NTF3: variants seen among roughly 807,000 people sequenced by gnomAD.
The protein encoded by NTF3 is neurotrophin-3.
A neutral mutation model predicts 26.3 loss-of-function variants in NTF3; 8 were observed. That is an observed-to-expected ratio of 0.30 (90% confidence interval 0.18 to 0.55). NTF3 has a LOEUF of 0.55. NTF3 is among the 20% of genes least tolerant of loss of function. The pLI, the probability that NTF3 is intolerant of heterozygous loss-of-function variation, is 0.93. For synonymous variants in NTF3, 154 were observed against 145.5 expected (o/e 1.06, Z -0.42); for missense variants, 276 against 352.9 (o/e 0.78, Z 1.75).
upstream of NTF3, chr12:5,431,967 G>C (rs919726592): frequency 7.3e-5 from 11 of 150,516 alleles, no homozygotes; most frequent in Admixed American, 2.0e-4. Flanking sequence ...AGGGCGGGGG[G>C]GGGGCTCTGG....
At chr12:5,464,666 C>T (rs1173657063) in intron 1 of NTF3, among the ~76,000 whole-genome samples, 2 of 152,192 alleles carry the variant, frequency 1.3e-5, no homozygotes, top group Non-Finnish European at 2.9e-5. Context: ...CAGGGCCAAG[C>T]TTCAGAACCT....
At chr12:5,476,686 C>G (rs1940729083) in intron 1 of NTF3, among the ~76,000 whole-genome samples, 1 of 152,128 alleles carries the variant, frequency 6.6e-6, no homozygotes, top group Non-Finnish European at 1.5e-5. Flanking sequence ...TTTATGGGAG[C>G]AGAGGATTCA....
At chr12:5,488,272 A>G (rs1940892419) in intron 1 of NTF3, among the ~76,000 whole-genome samples, 1 of 152,162 alleles carries the variant, frequency 6.6e-6, no homozygotes, top group Non-Finnish European at 1.5e-5. Context: ...TGCTATTTCC[A>G]GGTTGCCAAC....
intron 1 of NTF3, among the ~76,000 whole-genome samples, chr12:5,479,716 C>CCT (rs1283664468): frequency 1.3e-5 from 2 of 152,224 alleles, no homozygotes; most frequent in Non-Finnish European, 2.9e-5. Context: ...CCCCAAAAAG[C>CCT]TGGAGATGTA....
Position 5,432,279 on chromosome 12 carries a change from C to A in NTF3, c.-46C>A, listed in dbSNP as rs776651243. On this transcript the variant is annotated 5_prime_UTR_variant, in exon 1 of 2. Coordinates refer to ENST00000423158, the MANE Select transcript of NTF3 (RefSeq NM_001102654.2). ...CTTTGAATGACCGAGCTCGCGTCCA[C>A]CTTTCTCTTCATGTCGACGTCCCTG... The A allele has an allele frequency of 1.2e-6, 2 of 1,612,792 alleles. No individual in the cohort carries two copies. The highest frequency in any genetic ancestry group is 1.3e-5 in the African/African-American group (1 of 74,844).
At chr12:5,471,009 G>A (rs1940658586) in intron 1 of NTF3, among the ~76,000 whole-genome samples, 1 of 151,346 alleles carries the variant, frequency 6.6e-6, no homozygotes, top group Admixed American at 6.6e-5. Context: ...GGCAATGCAA[G>A]TTTCCATTCA....
intron 1 of NTF3, among the ~76,000 whole-genome samples, chr12:5,452,741 C>T (rs1355924798): frequency 1.3e-5 from 2 of 152,182 alleles, no homozygotes; most frequent in African/African-American, 4.8e-5. Context: ...ACGCATCCCC[C>T]CACCTAGGGC....
intron 1 of NTF3, among the ~76,000 whole-genome samples, chr12:5,445,314 G>C (rs1325914794): frequency 6.6e-6 from 1 of 151,726 alleles, no homozygotes; most frequent in Non-Finnish European, 1.5e-5. Flanking sequence ...GTGTGTGTGT[G>C]TGTGTGTGTG....
chr12:5,485,827 C>T (rs35691544), intron 1 of NTF3, among the ~76,000 whole-genome samples: 59,313 of 152,008 alleles, frequency 0.39, 11,932 homozygotes, highest in South Asian at 0.51. Flanking sequence ...TGCACATCCC[C>T]GCATCACTAC....
chr12:5,433,024 G>C lies in NTF3; in HGVS notation c.18+682G>C, dbSNP rs1166356465. On this transcript the variant is annotated intron_variant, in intron 1 of 1. Transcript: ENST00000423158. This position sits in a 1 kb window ranked among gnomAD's most constrained non-coding sequence, Gnocchi z 4.6. ...CCCGGAACCTCGCGTTCCAGTTTTGGGAGTTGGGACTCACTGCCACGCGCC... is the reference window on the plus strand; with the variant it reads ...CCCGGAACCTCGCGTTCCAGTTTTGCGAGTTGGGACTCACTGCCACGCGCC... 1.3e-5 allele frequency: 2 copies of C among 152,444 alleles called. No homozygotes were observed. Among genetic ancestry groups the C allele is most frequent in the Admixed American group, 6.5e-5 (1 of 15,306 alleles). 9.4% of individuals were successfully genotyped at this position (152,444 alleles called of 1,614,324 possible).
At chr12:5,454,034 T>C (rs1385072520) in intron 1 of NTF3, among the ~76,000 whole-genome samples, 9 of 152,264 alleles carry the variant, frequency 5.9e-5, no homozygotes, top group Non-Finnish European at 4.4e-5. Context: ...GGGAAGTGTA[T>C]GAGTCTCCTG....
chr12:5,480,065 A>G (rs543854165), intron 1 of NTF3, among the ~76,000 whole-genome samples: 47 of 152,324 alleles, frequency 3.1e-4, no homozygotes, highest in Admixed American at 2.5e-3. Flanking sequence ...ATTCAAAGTC[A>G]TCTTCAGCTC....
At chr12:5,451,869 T>C (rs1320970255) in intron 1 of NTF3, among the ~76,000 whole-genome samples, 2 of 152,088 alleles carry the variant, frequency 1.3e-5, no homozygotes, top group Non-Finnish European at 1.5e-5. Flanking sequence ...AATTTTTCAA[T>C]TTTTGTGAAG....
intron 1 of NTF3, among the ~76,000 whole-genome samples, chr12:5,434,729 A>G (rs1294373348): frequency 6.6e-6 from 1 of 152,004 alleles, no homozygotes; most frequent in Non-Finnish European, 1.5e-5. Flanking sequence ...GCCTGCACAA[A>G]CACATGGAGT....
At chr12:5,448,238 TG>T (rs1237510280) in intron 1 of NTF3, among the ~76,000 whole-genome samples, 2 of 152,260 alleles carry the variant, frequency 1.3e-5, no homozygotes, top group Non-Finnish European at 2.9e-5. Flanking sequence ...AGTCCCATTT[TG>T]TAGACATGGT....
chr12:5,475,896 AAGAG>A (rs1165101113), intron 1 of NTF3, among the ~76,000 whole-genome samples: 2 of 137,718 alleles, frequency 1.5e-5, no homozygotes, highest in African/African-American at 2.6e-5. Context: ...AAGAAAGAAA[AAGAG>A]AAAGAAAGAA....
chr12:5,478,964 G>A (rs1043363699), intron 1 of NTF3, among the ~76,000 whole-genome samples: 1 of 152,162 alleles, frequency 6.6e-6, no homozygotes, highest in African/African-American at 2.4e-5. Context: ...TGCCAAGCCC[G>A]TCAGCACAAT....
intron 1 of NTF3, among the ~76,000 whole-genome samples, chr12:5,448,950 G>A (rs903466782): frequency 1.3e-5 from 2 of 152,206 alleles, no homozygotes; most frequent in Admixed American, 1.3e-4. Context: ...ATATGGTAAG[G>A]TATTGTGTTC....
intron 1 of NTF3, among the ~76,000 whole-genome samples, chr12:5,454,488 T>C (rs1940412779): frequency 6.6e-6 from 1 of 152,048 alleles, no homozygotes; most frequent in South Asian, 2.1e-4. Flanking sequence ...ATTCAACCCA[T>C]AATGGGAAGG....
Sources: allele counts gnomAD v4.1 joint callset (sites outside exome capture counted in the v4.1 genomes callset), GRCh38; gene constraint gnomAD v4.1.1; non-coding constraint Gnocchi (gnomAD v3.1); transcripts MANE v1.5; gene names NCBI Gene and HGNC (gene_info 2026-07-23, HGNC 2026-07-21).